Variants in SHQ1 observed in about 807,000 individuals in gnomAD.
SHQ1 encodes the protein SHQ1, H/ACA ribonucleoprotein assembly factor.
Under a neutral mutation model 53.8 loss-of-function variants are expected in SHQ1, and 49 were observed. The observed-to-expected ratio is 0.91, with a 90% confidence interval of 0.72 to 1.16. The LOEUF (loss-of-function observed/expected upper bound fraction) is 1.16, where lower values mean the gene tolerates loss of function less well. Ranked by LOEUF, SHQ1 falls within the 50% of genes most tolerant of loss-of-function variation. The pLI is 0.00. For synonymous variants in SHQ1, 243 were observed against 251.0 expected, an observed-to-expected ratio of 0.97 and a Z score of 0.30; for missense variants, 738 against 683.1, an observed-to-expected ratio of 1.08 and a Z score of -0.90.
intron 10 of SHQ1, among the ~76,000 whole-genome samples, chr3:72,751,494 G>GTTTACATATATATA: frequency 1.0e-5 from 1 of 97,534 alleles, no homozygotes; most frequent in Non-Finnish European, 2.1e-5. Context: ...GTGTGTGTGT[G>GTTTACATATATATA]TGTGTGTGTG....
chr3:72,774,822 A>G (rs1705922391), intron 10 of SHQ1, among the ~76,000 whole-genome samples: 1 of 152,224 alleles, frequency 6.6e-6, no homozygotes, highest in Admixed American at 6.5e-5. Context: ...GAGGATCAAG[A>G]GCGTGAAATG....
chr3:72,751,508 G>GTGTATATA (rs1210782182), intron 10 of SHQ1, among the ~76,000 whole-genome samples: 52 of 116,964 alleles, frequency 4.4e-4, no homozygotes, highest in African/African-American at 1.9e-3. Flanking sequence ...GTGTGTGTGT[G>GTGTATATA]TATATATATA....
chr3:72,744,366 CCTTCCCAGAGGTAAATCCTGTTGTTTT>C (rs1162665757), downstream of SHQ1, among the ~76,000 whole-genome samples: 1 of 152,198 alleles, frequency 6.6e-6, no homozygotes, highest in African/African-American at 2.4e-5. Context: ...GAAGCAAGAC[CCTTCCCAGAGGTAAATCCTGTTGTTTT>C]CTTCCCAGTG....
chr3:72,737,730 T>A, the SHQ1 span, among the ~76,000 whole-genome samples: 1 of 152,198 alleles, frequency 6.6e-6, no homozygotes, highest in Non-Finnish European at 1.5e-5. Context: ...CGAAAAAAAG[T>A]CTGTGAATGT....
At chr3:72,821,492 G>C (rs1707479075) in intron 6 of SHQ1, among the ~76,000 whole-genome samples, 1 of 152,198 alleles carries the variant, frequency 6.6e-6, no homozygotes, top group Non-Finnish European at 1.5e-5. Context: ...TCAGGGCTGT[G>C]ATGAAAACGA....
chr3:72,817,358 G>A lies in SHQ1; in HGVS notation c.754C>T (p.Gln252Ter), dbSNP rs746701049. Reference protein sequence around the residue: ...LVSFSEEEKYQLRKFVNKSYL... With the variant: ...LVSFSEEEKY ...GATTTATTGACAAATTTTCGTAGCT[G>A]ATACTTCTCTTCTTCAGAAAAAGAC... The change falls in exon 7 of 11, where the codon CAG becomes TAG. Residue 252 changes from glutamine (Q) to a stop codon, truncating the protein, a stop_gained. Transcript: ENST00000325599. LOFTEE classifies it high-confidence loss of function. 1 of 1,611,390 alleles carries A rather than the reference G, an allele frequency of 6.2e-7. No homozygotes were observed. The highest frequency in any genetic ancestry group is 8.5e-7 in the Non-Finnish European group (1 of 1,178,400).
At chr3:72,785,918 T>A (rs918826223) in intron 10 of SHQ1, among the ~76,000 whole-genome samples, 4 of 152,230 alleles carry the variant, frequency 2.6e-5, no homozygotes, top group African/African-American at 9.6e-5. Context: ...CCTGGCTCCC[T>A]CTTTACTGAT....
At chr3:72,806,139 G>A (rs1706937071) in intron 9 of SHQ1, among the ~76,000 whole-genome samples, 1 of 152,172 alleles carries the variant, frequency 6.6e-6, no homozygotes, top group South Asian at 2.1e-4. Context: ...TACTAATTTA[G>A]GAGACTGGGA....
intron 10 of SHQ1, among the ~76,000 whole-genome samples, chr3:72,788,790 G>A (rs1429428300): frequency 6.6e-6 from 1 of 152,114 alleles, no homozygotes; most frequent in African/African-American, 2.4e-5. Context: ...CCAACCCCGT[G>A]CTCTCTGAAA....
chr3:72,768,032 C>A (rs1705768503), intron 10 of SHQ1, among the ~76,000 whole-genome samples: 1 of 151,924 alleles, frequency 6.6e-6, no homozygotes, highest in African/African-American at 2.4e-5. Context: ...ACAAATCCAG[C>A]CCTAGAAGGA....
chr3:72,832,671 CTT>C lies in SHQ1; in HGVS notation c.487-192_487-191del, dbSNP rs764943334. On this transcript the variant is annotated intron_variant, in intron 4 of 10. Transcript: ENST00000325599. ...TACTACTTGGTAGGGCCTGTGAGAT[CTT>C]TCTCATAAATTATCTCATTTAATCC... Among the ~76,000 whole-genome samples, 64 of 152,314 alleles carry C rather than the reference CTT, an allele frequency of 4.2e-4. 1 individual carries two copies. The highest frequency in any genetic ancestry group is 7.6e-4 in the Non-Finnish European group (52 of 68,030).
downstream of SHQ1, among the ~76,000 whole-genome samples, chr3:72,747,945 T>C (rs1705284134): frequency 6.6e-6 from 1 of 151,124 alleles, no homozygotes; most frequent in Non-Finnish European, 1.5e-5. Flanking sequence ...GCTGAGATCA[T>C]ATCACTGCAC....
chr3:72,826,594 T>C (rs142402830), intron 5 of SHQ1, among the ~76,000 whole-genome samples: 61 of 152,248 alleles, frequency 4.0e-4, no homozygotes, highest in Non-Finnish European at 7.1e-4. Flanking sequence ...AATTACAATA[T>C]AGCAAAATGC....
intron 10 of SHQ1, among the ~76,000 whole-genome samples, chr3:72,768,922 G>A (rs1239213186): frequency 6.6e-6 from 1 of 152,124 alleles, no homozygotes; most frequent in Non-Finnish European, 1.5e-5. Context: ...TGCCATCCAG[G>A]TGCCACATTT....
chr3:72,846,130 T>C, intron 1 of SHQ1: 1 of 1,307,302 alleles, frequency 7.6e-7, no homozygotes, highest in Non-Finnish European at 1.1e-6. Flanking sequence ...TCAGAAAATG[T>C]GAGCTATTAT....
At chr3:72,842,850 C>T (rs376174939) in intron 2 of SHQ1, among the ~76,000 whole-genome samples, 116 of 151,442 alleles carry the variant, frequency 7.7e-4, no homozygotes, top group African/African-American at 2.7e-3. Flanking sequence ...CCGAGGCAGG[C>T]GGATCATGAG....
At chr3:72,785,357 G>A (rs1301142079) in intron 10 of SHQ1, among the ~76,000 whole-genome samples, 1 of 152,214 alleles carries the variant, frequency 6.6e-6, no homozygotes, top group Non-Finnish European at 1.5e-5. Context: ...TTGACAAGAA[G>A]TAGTCATGAG....
chr3:72,848,177 G>C lies in SHQ1; in HGVS notation c.143+21C>G, dbSNP rs75800557. On this transcript the variant is annotated intron_variant, in intron 1 of 10. Coordinates refer to ENST00000325599, the MANE Select transcript of SHQ1 (RefSeq NM_018130.3). ...TATCTAACGAATGCGCCTTTCCTGC[G>C]GCCAGGCACCCCGAACTCGCCTGAG... is the stretch of plus-strand genomic sequence containing the variant. 16 of 1,613,802 alleles carry C rather than the reference G, an allele frequency of 9.9e-6. No individual in the cohort carries two copies. The African/African-American group carries it at 1.9e-4, about 19-fold the overall frequency.
intron 5 of SHQ1, among the ~76,000 whole-genome samples, chr3:72,825,690 A>C (rs1427401243): frequency 1.3e-5 from 2 of 152,214 alleles, no homozygotes; most frequent in South Asian, 2.1e-4. Context: ...ACTCATGGTG[A>C]AAATTTTATT....
Sources: gnomAD v4.1 joint callset for allele counts (sites outside exome capture counted in the v4.1 genomes callset) on GRCh38, gnomAD v4.1.1 for gene constraint, MANE v1.5 for transcripts, NCBI Gene and HGNC (gene_info 2026-07-23, HGNC 2026-07-21) for gene names.